The following TTC28 variants were observed in gnomAD, a reference collection of about 807,000 sequenced individuals.
TTC28 encodes tetratricopeptide repeat protein 28.
In TTC28, 61 loss-of-function variants were observed where a neutral mutation model predicts 198.0. The ratio of observed to expected loss-of-function variants is 0.31; its 90% confidence interval spans 0.25 to 0.38. TTC28 has a LOEUF of 0.38. Ranked by LOEUF, TTC28 falls within the 10% of genes least tolerant of loss-of-function variation. The pLI is 1.00. For missense variants in TTC28, 2,678 were observed against 3,164.0 expected (o/e 0.85, Z 3.69); for synonymous variants, 1,171 against 1,297.8 (o/e 0.90, Z 2.10).
At chr22:28,297,881 T>C in intron 3 of TTC28, 29 bp from the exon 4 acceptor site, 2 of 1,547,032 alleles carry the variant, frequency 1.3e-6, no homozygotes, top group Non-Finnish European at 1.7e-6. Flanking sequence ...AACAGCAACA[T>C]AACAGGAGAA....
chr22:28,629,824 G>C lies in TTC28; in HGVS notation c.109C>G (p.Leu37Val), dbSNP rs1441015275. The change falls in exon 2 of 23, where the codon CTC becomes GTC. Residue 37 changes from leucine (L) to valine (V), a missense_variant. By Grantham distance (32) the Leu-to-Val change is conservative. This residue lies in a region of TTC28 where 176 missense variants were observed against 197.9 expected (regional missense o/e 0.89). Coordinates refer to ENST00000397906, the MANE Select transcript of TTC28 (RefSeq NM_001145418.2). ...ESPPASAPIP[L>V]FGADTIGQRS... is the part of the protein sequence containing the mutation. ...TGGCCAATAGTGTCAGCACCAAAGA[G>C]AGGAATCTACAAACAAAGAAACTTT... The C allele has an allele frequency of 6.5e-7, 1 of 1,546,486 alleles. No homozygotes were observed. Among genetic ancestry groups the C allele is most frequent in the Non-Finnish European group, 8.7e-7 (1 of 1,145,232 alleles).
chr22:28,094,394 A>G, intron 11 of TTC28, 149 bp from the exon 12 acceptor site: 1 of 861,216 alleles, frequency 1.2e-6, no homozygotes, highest in South Asian at 2.3e-5. Flanking sequence ...CTGAAATCCA[A>G]GGTCTCAAGA....
At chr22:28,004,987 C>T (rs902018527) in intron 14 of TTC28, among the ~76,000 whole-genome samples, 2 of 152,182 alleles carry the variant, frequency 1.3e-5, no homozygotes, top group Non-Finnish European at 2.9e-5. Context: ...AAGTGGCTCA[C>T]GCACCAGCCT....
At chr22:28,151,449 T>C (rs1395246899) in intron 6 of TTC28, among the ~76,000 whole-genome samples, 1 of 152,178 alleles carries the variant, frequency 6.6e-6, no homozygotes, top group East Asian at 1.9e-4. Flanking sequence ...CTGACCAAAA[T>C]TTACTGCCCC....
intron 6 of TTC28, among the ~76,000 whole-genome samples, chr22:28,144,930 C>T (rs1943429797): frequency 6.6e-6 from 1 of 152,204 alleles, no homozygotes; most frequent in African/African-American, 2.4e-5. Flanking sequence ...TGTTTCCTCA[C>T]AACAATCCTA....
At chr22:28,210,724 T>C (rs1390683165) in intron 5 of TTC28, among the ~76,000 whole-genome samples, 1 of 152,060 alleles carries the variant, frequency 6.6e-6, no homozygotes, top group Non-Finnish European at 1.5e-5. Flanking sequence ...TGTAGGATAT[T>C]CTCCAGGAGA....
intron 2 of TTC28, among the ~76,000 whole-genome samples, chr22:28,525,991 ACTAGAATT>A (rs1451258453): frequency 2.0e-5 from 3 of 152,224 alleles, no homozygotes; most frequent in African/African-American, 7.2e-5. Flanking sequence ...CACTTAAAGA[ACTAGAATT>A]CTAGAATTCT....
At chr22:28,629,527 A>C (rs1190548988) in intron 2 of TTC28, 25 bp downstream of exon 2, 4 of 1,519,992 alleles carry the variant, frequency 2.6e-6, no homozygotes, top group South Asian at 1.3e-5. Context: ...TATGAAAATA[A>C]ATCTTCATAG....
intron 2 of TTC28, among the ~76,000 whole-genome samples, chr22:28,508,868 G>T (rs189764888): frequency 6.6e-6 from 1 of 152,070 alleles, no homozygotes; most frequent in Admixed American, 6.5e-5. Context: ...CTCAGTTCTG[G>T]ATCAAGTGGA....
chr22:28,276,328 T>C (rs779766358), intron 5 of TTC28, among the ~76,000 whole-genome samples: 3 of 152,094 alleles, frequency 2.0e-5, no homozygotes, highest in Admixed American at 6.5e-5. Flanking sequence ...TTTTTTATTA[T>C]AGGAACCCTT....
At chr22:28,235,363 A>C (rs1273615165) in intron 5 of TTC28, among the ~76,000 whole-genome samples, 2 of 152,218 alleles carry the variant, frequency 1.3e-5, no homozygotes, top group African/African-American at 4.8e-5. Flanking sequence ...ACTCTGTAGT[A>C]ATCAGTGGCA....
At chr22:28,182,754 G>T (rs1923823785) in intron 5 of TTC28, among the ~76,000 whole-genome samples, 1 of 152,138 alleles carries the variant, frequency 6.6e-6, no homozygotes, top group African/African-American at 2.4e-5. Context: ...AATTCTAGCA[G>T]GTTTAACCTC....
intron 8 of TTC28, among the ~76,000 whole-genome samples, chr22:28,102,220 G>A (rs569899487): frequency 6.6e-6 from 1 of 152,206 alleles, no homozygotes; most frequent in Non-Finnish European, 1.5e-5. Context: ...AGCAGAATAT[G>A]AACACAGCCT....
chr22:28,566,002 C>G (rs1379755327), intron 2 of TTC28, among the ~76,000 whole-genome samples: 4 of 152,148 alleles, frequency 2.6e-5, no homozygotes, highest in Non-Finnish European at 5.9e-5. Flanking sequence ...ATGTGAAACA[C>G]TGCATCTAGA....
chr22:28,548,750 A>G (rs1481333939), intron 2 of TTC28, among the ~76,000 whole-genome samples: 1 of 152,338 alleles, frequency 6.6e-6, no homozygotes, highest in East Asian at 1.9e-4. Flanking sequence ...ATTATAGTTT[A>G]AAGTTTTACA....
At chr22:28,245,309 C>T (rs77106245) in intron 5 of TTC28, among the ~76,000 whole-genome samples, 1 of 152,038 alleles carries the variant, frequency 6.6e-6, no homozygotes, top group Non-Finnish European at 1.5e-5. Flanking sequence ...ACCAAAATGC[C>T]GCAGGAAGAG....
intron 6 of TTC28, among the ~76,000 whole-genome samples, chr22:28,114,453 T>G (rs1343276962): frequency 6.6e-6 from 1 of 152,214 alleles, no homozygotes; most frequent in African/African-American, 2.4e-5. Context: ...GAGAGCAAAG[T>G]GCTCTGTGTT....
At chr22:28,280,306 T>G (rs2044559636) in intron 5 of TTC28, among the ~76,000 whole-genome samples, 1 of 151,730 alleles carries the variant, frequency 6.6e-6, no homozygotes, top group African/African-American at 2.4e-5. Context: ...TTTTAAAAAA[T>G]TAAAAAAGAA....
intron 6 of TTC28, among the ~76,000 whole-genome samples, chr22:28,146,313 C>A (rs559377247): frequency 6.6e-6 from 1 of 152,356 alleles, no homozygotes; most frequent in South Asian, 2.1e-4. Flanking sequence ...GGAGAACGAT[C>A]ATGAAAACGC....
Sources: allele counts gnomAD v4.1 joint callset (sites outside exome capture counted in the v4.1 genomes callset), GRCh38; gene constraint gnomAD v4.1.1; regional missense constraint gnomAD v4.1.1; transcripts MANE v1.5; gene names NCBI Gene and HGNC (gene_info 2026-07-23, HGNC 2026-07-21).